The following GINS1 variants were observed in gnomAD, a reference collection of about 807,000 sequenced individuals.
GINS1 encodes GINS complex subunit 1, also known as DNA replication complex GINS protein PSF1.
GINS1 carries 26 observed loss-of-function variants against 34.9 expected under a neutral mutation model. The observed-to-expected ratio is 0.74, with a 90% CI of 0.55 to 1.03. The LOEUF is 1.03. Ranked by LOEUF, GINS1 falls within the 50% of genes least tolerant of loss-of-function variation. GINS1 has a pLI of 0.00. For missense variants in GINS1, 235 were observed against 237.9 expected (o/e 0.99, Z 0.08); for synonymous variants, 97 against 84.4 (o/e 1.15, Z -0.82).
At chr20:25,409,488 G>C (rs1183289561) in intron 1 of GINS1, among the ~76,000 whole-genome samples, 1 of 152,180 alleles carries the variant, frequency 6.6e-6, no homozygotes, top group East Asian at 1.9e-4. Flanking sequence ...TAATGAATAA[G>C]AGGGAGGAAT....
chr20:25,438,119 C>A (rs1222201470), intron 5 of GINS1, among the ~76,000 whole-genome samples: 462 of 97,784 alleles, frequency 4.7e-3, no homozygotes, highest in Middle Eastern at 0.011. Context: ...AACTCCGTCT[C>A]AAAAAAAAAA....
chr20:25,441,091 C>T (rs147733360), intron 5 of GINS1, among the ~76,000 whole-genome samples: 271 of 152,290 alleles, frequency 1.8e-3, no homozygotes, highest in African/African-American at 6.3e-3. Context: ...CCCTTACTTC[C>T]TGTGGCAGCA....
chr20:25,409,632 A>C (rs1349176450), intron 1 of GINS1, among the ~76,000 whole-genome samples: 1 of 152,242 alleles, frequency 6.6e-6, no homozygotes, highest in Non-Finnish European at 1.5e-5. Context: ...TTGTCTTACA[A>C]ATGAAGAAAC....
intron 5 of GINS1, among the ~76,000 whole-genome samples, chr20:25,430,618 C>T (rs2090421742): frequency 6.6e-6 from 1 of 152,174 alleles, no homozygotes; most frequent in African/African-American, 2.4e-5. Flanking sequence ...GCAACCTCTG[C>T]CTCCTGGGTT....
At chr20:25,445,780 G>T (rs2090508878) in intron 6 of GINS1, 143 bp from the exon 7 acceptor site, 1 of 607,210 alleles carries the variant, frequency 1.6e-6, no homozygotes, top group East Asian at 2.9e-5. Context: ...ACCGTACCCA[G>T]CCCCTTAAGT....
chr20:25,416,561 C>A (rs2146194165), intron 2 of GINS1, among the ~76,000 whole-genome samples: 1 of 152,190 alleles, frequency 6.6e-6, no homozygotes, highest in East Asian at 1.9e-4. Context: ...AGGGTAAAAC[C>A]AAAATTTTCA....
intron 5 of GINS1, among the ~76,000 whole-genome samples, chr20:25,425,680 T>C (rs1298027151): frequency 2.6e-5 from 4 of 151,614 alleles, no homozygotes; most frequent in African/African-American, 9.7e-5. Flanking sequence ...ATTTTGAAAG[T>C]AAAATGAAAC....
intron 5 of GINS1, among the ~76,000 whole-genome samples, chr20:25,434,938 C>A (rs571796273): frequency 6.6e-6 from 1 of 152,316 alleles, no homozygotes; most frequent in African/African-American, 2.4e-5. Context: ...TCCATCAAGT[C>A]ATTTTATAAT....
At chr20:25,445,802 C>G (rs1431768893) in intron 6 of GINS1, 121 bp from the exon 7 acceptor site, 8 of 657,582 alleles carry the variant, frequency 1.2e-5, no homozygotes, top group Admixed American at 8.0e-5. Context: ...TAACTTTCAA[C>G]TACTTACTTG....
intron 5 of GINS1, among the ~76,000 whole-genome samples, chr20:25,429,053 C>T (rs1392554315): frequency 1.4e-5 from 2 of 146,128 alleles, no homozygotes; most frequent in Non-Finnish European, 1.5e-5. Flanking sequence ...CAGTGGTGCA[C>T]TCTTGGCTCA....
chr20:25,408,352 C>G (rs2090260943), intron 1 of GINS1, among the ~76,000 whole-genome samples: 1 of 152,132 alleles, frequency 6.6e-6, no homozygotes, highest in Non-Finnish European at 1.5e-5. Context: ...GTACCCAACG[C>G]ATGATGTAGT....
intron 6 of GINS1, among the ~76,000 whole-genome samples, chr20:25,442,596 C>CTAT (rs201577741): frequency 7.0e-6 from 1 of 142,388 alleles, no homozygotes; most frequent in Admixed American, 7.1e-5. Flanking sequence ...TATATTATTA[C>CTAT]TATTATTATT....
intron 5 of GINS1, among the ~76,000 whole-genome samples, chr20:25,433,354 T>G (rs559432499): frequency 1.3e-5 from 2 of 152,272 alleles, no homozygotes; most frequent in South Asian, 4.1e-4. Flanking sequence ...ATTTCCTCAT[T>G]ACCCCCCACA....
chr20:25,432,789 C>T lies in GINS1; in HGVS notation c.447+7462C>T, dbSNP rs146603627. On this transcript the variant is annotated intron_variant, in intron 5 of 6. Transcript: ENST00000262460. ...GCAGATGAATTGTTATTAGATGTGT[C>T]TATACTTGTTATATCTTCTTGTATG... Among the ~76,000 whole-genome samples the T allele has an allele frequency of 3.0e-3, 444 of 150,476 alleles. 1 individual carries two copies. The highest frequency in any genetic ancestry group is 5.4e-3 in the Non-Finnish European group (366 of 67,698).
chr20:25,408,859 A>G (rs1568794738), intron 1 of GINS1: 1 of 955,618 alleles, frequency 1.0e-6, no homozygotes. Flanking sequence ...TAAATTGTAT[A>G]TTTCACTTAC....
chr20:25,427,225 C>T (rs1442666507), intron 5 of GINS1, among the ~76,000 whole-genome samples: 1 of 152,038 alleles, frequency 6.6e-6, no homozygotes, highest in African/African-American at 2.4e-5. Flanking sequence ...GATGCAGTGG[C>T]GCGATCTCGG....
At chr20:25,432,682 G>T (rs1193589866) in intron 5 of GINS1, among the ~76,000 whole-genome samples, 1 of 151,830 alleles carries the variant, frequency 6.6e-6, no homozygotes, top group Non-Finnish European at 1.5e-5. Context: ...GGCCAGGCTG[G>T]TCTGGAATTC....
chr20:25,408,275 G>T (rs181025735), intron 1 of GINS1, among the ~76,000 whole-genome samples: 206 of 152,270 alleles, frequency 1.4e-3, no homozygotes, highest in African/African-American at 4.9e-3. Flanking sequence ...TGACTTTGGG[G>T]CAGTTACTCA....
intron 1 of GINS1, among the ~76,000 whole-genome samples, chr20:25,408,144 G>A (rs1050357917): frequency 6.6e-6 from 1 of 152,212 alleles, no homozygotes; most frequent in African/African-American, 2.4e-5. Flanking sequence ...GATTTGTTCC[G>A]GTCCCTTAAA....
Sources: gnomAD v4.1 joint callset for allele counts (sites outside exome capture counted in the v4.1 genomes callset) on GRCh38, gnomAD v4.1.1 for gene constraint, MANE v1.5 for transcripts, NCBI Gene and HGNC (gene_info 2026-07-23, HGNC 2026-07-21) for gene names.